Variants in TMEM272 observed in about 807,000 individuals in gnomAD.
TMEM272 encodes long intergenic non-protein coding RNA 282.
In TMEM272, 8 loss-of-function variants were observed where a neutral mutation model predicts 3.7. The ratio of observed to expected loss-of-function variants is 2.17; its 90% CI spans 1.27 to 3.91. The LOEUF is 3.91. TMEM272 is among the 30% of genes most tolerant of loss of function. The pLI, the probability that TMEM272 is intolerant of heterozygous loss-of-function variation, is 0.00. For missense variants in TMEM272, 166 were observed against 91.5 expected (o/e 1.81, Z -3.32); for synonymous variants, 63 against 39.8 (o/e 1.58, Z -2.20).
At chr13:51,851,358 GGAA>G in the TMEM272 span, among the ~76,000 whole-genome samples, 8 of 146,534 alleles carry the variant, frequency 5.5e-5, no homozygotes, top group Non-Finnish European at 1.0e-4. Context: ...AAAAAGAAGA[GGAA>G]GAAGAGGAAG....
the TMEM272 span, among the ~76,000 whole-genome samples, chr13:51,851,427 A>T: frequency 4.2e-5 from 6 of 141,594 alleles, no homozygotes; most frequent in African/African-American, 1.6e-4. Flanking sequence ...AAGAAGAAGA[A>T]GAAGACGCCC....
upstream of TMEM272, among the ~76,000 whole-genome samples, chr13:51,846,827 A>G (rs1387295627): frequency 6.6e-6 from 1 of 152,228 alleles, no homozygotes; most frequent in African/African-American, 2.4e-5. Flanking sequence ...ATTATAAAGT[A>G]AAAAAGTTAC....
chr13:51,932,574 C>T, the TMEM272 span: 4 of 152,212 alleles, frequency 2.6e-5, no homozygotes, highest in African/African-American at 9.7e-5. Flanking sequence ...CCTCTGCCCC[C>T]TAAAAAGACA....
At chr13:51,890,723 A>C in the TMEM272 span, among the ~76,000 whole-genome samples, 1 of 152,174 alleles carries the variant, frequency 6.6e-6, no homozygotes, top group African/African-American at 2.4e-5. Flanking sequence ...AACAGACCAG[A>C]CCAAACCAGA....
At chr13:51,909,859 G>T in the TMEM272 span, 2 of 1,592,424 alleles carry the variant, frequency 1.3e-6, no homozygotes, top group South Asian at 1.1e-5. Context: ...TTTAGAACTT[G>T]TTCTGCGTGT....
the TMEM272 span, among the ~76,000 whole-genome samples, chr13:51,921,816 G>A: frequency 6.6e-6 from 1 of 152,134 alleles, no homozygotes; most frequent in African/African-American, 2.4e-5. Flanking sequence ...CACTCAGCTG[G>A]GGAGCGGAGG....
At chr13:51,931,915 A>G in the TMEM272 span, among the ~76,000 whole-genome samples, 807 of 152,264 alleles carry the variant, frequency 5.3e-3, 4 homozygotes, top group Non-Finnish European at 8.8e-3. Context: ...ATGGGGGAGA[A>G]CCTTGAAATA....
At chr13:51,851,740 C>T in the TMEM272 span, among the ~76,000 whole-genome samples, 5 of 152,124 alleles carry the variant, frequency 3.3e-5, no homozygotes, top group Non-Finnish European at 5.9e-5. Flanking sequence ...GGCCAGGCTG[C>T]TCTCAAACTC....
upstream of TMEM272, among the ~76,000 whole-genome samples, chr13:51,845,372 C>T (rs542347393): frequency 6.6e-6 from 1 of 152,244 alleles, no homozygotes; most frequent in African/African-American, 2.4e-5. Flanking sequence ...ATTTCAGTCC[C>T]TTAGGCACTA....
At chr13:51,823,348 G>A (rs1484190822) in intron 3 of TMEM272, among the ~76,000 whole-genome samples, 1 of 152,260 alleles carries the variant, frequency 6.6e-6, no homozygotes, top group Non-Finnish European at 1.5e-5. Flanking sequence ...CAAAGCGTGG[G>A]ATTACAGGCC....
At chr13:51,909,755 A>T in the TMEM272 span, 3 of 1,561,788 alleles carry the variant, frequency 1.9e-6, no homozygotes, top group Non-Finnish European at 1.8e-6. Flanking sequence ...ATTCCAAGTT[A>T]CCATCATCCG....
rs1956028047 is a variant in TMEM272, at chr13:51,816,574, CTATTA to C, written c.*172_*176del. ...GGAAGGCAAGAGTTTCTTTAGTCTG[CTATTA>C]TATTCAGTGCCTTTGGGTGGCTTTT... is the stretch of plus-strand genomic sequence containing the variant. On this transcript the variant is annotated 3_prime_UTR_variant, in exon 5 of 5. Coordinates refer to ENST00000629372, the MANE Select transcript of TMEM272 (RefSeq NM_001351003.2). 1.8e-6 allele frequency: 1 copy of C among 547,624 alleles called. No homozygotes were observed. Among genetic ancestry groups the C allele is most frequent in the Non-Finnish European group, 3.3e-6 (1 of 307,328 alleles). The allele number at this position is 547,624 out of a possible 1,614,324, so 33.9% of individuals were successfully genotyped here. A position where few individuals can be genotyped will look rare whatever the true frequency, so the allele number is the denominator to read the frequency against.
upstream of TMEM272, among the ~76,000 whole-genome samples, chr13:51,847,294 C>G (rs909308354): frequency 6.6e-6 from 1 of 152,200 alleles, no homozygotes; most frequent in Non-Finnish European, 1.5e-5. Flanking sequence ...CTGAGCTCCA[C>G]TTCCTGTCAG....
At chr13:51,908,255 T>C in the TMEM272 span, 13 of 796,678 alleles carry the variant, frequency 1.6e-5, no homozygotes, top group Admixed American at 2.4e-4. Flanking sequence ...AGCAGGCTCA[T>C]TTGAAGGCAG....
At chr13:51,909,331 G>A in the TMEM272 span, 16 of 894,940 alleles carry the variant, frequency 1.8e-5, no homozygotes, top group South Asian at 2.6e-5. Context: ...TCTTTGGCTC[G>A]CTTTCTGCAG....
At chr13:51,903,160 G>A in the TMEM272 span, among the ~76,000 whole-genome samples, 52 of 152,348 alleles carry the variant, frequency 3.4e-4, 1 homozygote, top group South Asian at 7.5e-3. Context: ...CACCTCCTTA[G>A]TGTGTGTATC....
chr13:51,870,916 C>T, the TMEM272 span, among the ~76,000 whole-genome samples: 1 of 152,278 alleles, frequency 6.6e-6, no homozygotes, highest in African/African-American at 2.4e-5. Context: ...TTGGGGAGGA[C>T]AAAACTCAGG....
chr13:51,890,601 A>G, the TMEM272 span, among the ~76,000 whole-genome samples: 14 of 152,310 alleles, frequency 9.2e-5, no homozygotes, highest in African/African-American at 3.4e-4. Flanking sequence ...GTATTCCTTT[A>G]TAGCAACACA....
At chr13:51,891,202 T>G in the TMEM272 span, among the ~76,000 whole-genome samples, 1 of 152,352 alleles carries the variant, frequency 6.6e-6, no homozygotes, top group Admixed American at 6.5e-5. Context: ...CTTCATTCCC[T>G]TTCTCTTCAA....
Sources: allele counts gnomAD v4.1 joint callset (sites outside exome capture counted in the v4.1 genomes callset), GRCh38; gene constraint gnomAD v4.1.1; transcripts MANE v1.5; gene names NCBI Gene and HGNC (gene_info 2026-07-23, HGNC 2026-07-21).